Variants in KIAA1217 observed in about 807,000 individuals in gnomAD.
KIAA1217 encodes the protein KIAA1217, also known as sickle tail protein homolog.
KIAA1217 carries 88 observed loss-of-function variants against 163.9 expected under a neutral mutation model. That is an observed-to-expected ratio of 0.54 (90% CI 0.45 to 0.64). The LOEUF (loss-of-function observed/expected upper bound fraction) is 0.64, where lower values mean the gene tolerates loss of function less well. Ranked by LOEUF, KIAA1217 falls within the 30% of genes least tolerant of loss-of-function variation. KIAA1217 has a pLI of 0.00. For synonymous variants in KIAA1217, 903 were observed against 923.1 expected, an observed-to-expected ratio of 0.98 and a Z score of 0.39; for missense variants, 2,372 against 2,475.0, an observed-to-expected ratio of 0.96 and a Z score of 0.88.
intron 5 of KIAA1217, among the ~76,000 whole-genome samples, chr10:24,447,682 A>C (rs2061054948): frequency 6.6e-6 from 1 of 152,190 alleles, no homozygotes; most frequent in Non-Finnish European, 1.5e-5. Flanking sequence ...TCAGTTAATT[A>C]GTGCCTTATC....
chr10:23,729,485 A>T (rs1838354796), intron 1 of KIAA1217, among the ~76,000 whole-genome samples: 1 of 152,062 alleles, frequency 6.6e-6, no homozygotes, highest in Non-Finnish European at 1.5e-5. Context: ...CTATATTTTG[A>T]CTATTTTAAT....
chr10:24,142,464 A>T (rs1270808305), intron 2 of KIAA1217, among the ~76,000 whole-genome samples: 1 of 152,192 alleles, frequency 6.6e-6, no homozygotes, highest in Non-Finnish European at 1.5e-5. Flanking sequence ...TGAGAAGAGA[A>T]TAGCTGGAGA....
chr10:24,139,210 C>T (rs1182107351), intron 2 of KIAA1217, among the ~76,000 whole-genome samples: 1 of 151,950 alleles, frequency 6.6e-6, no homozygotes, highest in African/African-American at 2.4e-5. Context: ...TTCTACTTCC[C>T]TAGTTTATTG....
chr10:24,435,403 C>T (rs1173573268), intron 4 of KIAA1217, among the ~76,000 whole-genome samples: 1 of 152,150 alleles, frequency 6.6e-6, no homozygotes, highest in African/African-American at 2.4e-5. Flanking sequence ...AATATAATCC[C>T]ACATACTGTT....
intron 1 of KIAA1217, among the ~76,000 whole-genome samples, chr10:23,926,448 G>A (rs1323308746): frequency 1.3e-5 from 2 of 152,272 alleles, no homozygotes; most frequent in African/African-American, 2.4e-5. Context: ...AGGTAGGCCC[G>A]GAGCAGTGGC....
At chr10:23,764,658 G>A (rs1384392332) in intron 1 of KIAA1217, among the ~76,000 whole-genome samples, 2 of 152,154 alleles carry the variant, frequency 1.3e-5, no homozygotes, top group Non-Finnish European at 2.9e-5. Flanking sequence ...CATGGATGAA[G>A]CTGGAAGCCA....
intron 1 of KIAA1217, among the ~76,000 whole-genome samples, chr10:23,811,072 T>C (rs950146741): frequency 1.6e-5 from 2 of 126,476 alleles, no homozygotes; most frequent in African/African-American, 6.2e-5. Flanking sequence ...TCTCTATATA[T>C]AATACATAGT....
intron 2 of KIAA1217, among the ~76,000 whole-genome samples, chr10:24,134,064 G>A (rs1462632776): frequency 2.6e-5 from 4 of 152,178 alleles, no homozygotes; most frequent in African/African-American, 7.2e-5. Context: ...TGCTCCAGGA[G>A]AAGTACAAAT....
chr10:23,906,123 A>C (rs375662460), intron 1 of KIAA1217, among the ~76,000 whole-genome samples: 2 of 152,106 alleles, frequency 1.3e-5, no homozygotes, highest in South Asian at 4.1e-4. Context: ...AATCATATCC[A>C]TGAGGGCAGA....
chr10:24,536,625 G>T, intron 16 of KIAA1217, 149 bp from the exon 17 acceptor site: 1 of 672,722 alleles, frequency 1.5e-6, no homozygotes. Flanking sequence ...CACGTGAGGA[G>T]CAGGATTTCA....
intron 1 of KIAA1217, among the ~76,000 whole-genome samples, chr10:23,817,996 T>TACATAC (rs1285638376): frequency 3.8e-5 from 4 of 106,116 alleles, no homozygotes; most frequent in African/African-American, 1.6e-4. Context: ...TATATATATA[T>TACATAC]ATATATATAT....
chr10:23,880,891 G>A (rs1433517563), intron 1 of KIAA1217, among the ~76,000 whole-genome samples: 5 of 151,932 alleles, frequency 3.3e-5, no homozygotes, highest in East Asian at 1.9e-4. Flanking sequence ...AGCCACATTC[G>A]GCTGCTTGCC....
intron 1 of KIAA1217, among the ~76,000 whole-genome samples, chr10:23,981,705 T>C (rs1354408693): frequency 1.3e-5 from 2 of 151,598 alleles, no homozygotes; most frequent in South Asian, 2.1e-4. Flanking sequence ...AGACCAGCCC[T>C]GTTTGTGGAC....
intron 2 of KIAA1217, among the ~76,000 whole-genome samples, chr10:24,250,969 G>A (rs570164516): frequency 6.6e-6 from 1 of 151,912 alleles, no homozygotes; most frequent in South Asian, 2.1e-4. Context: ...GCTCACACCT[G>A]TAATCACAGC....
At chr10:24,139,610 G>A (rs2063970930) in intron 2 of KIAA1217, among the ~76,000 whole-genome samples, 1 of 152,046 alleles carries the variant, frequency 6.6e-6, no homozygotes, top group South Asian at 2.1e-4. Flanking sequence ...GGCCTTCCAC[G>A]AATTTACTAT....
intron 1 of KIAA1217, among the ~76,000 whole-genome samples, chr10:23,968,485 T>G (rs1257210490): frequency 6.6e-6 from 1 of 152,210 alleles, no homozygotes; most frequent in Non-Finnish European, 1.5e-5. Flanking sequence ...TATTGAGTCA[T>G]AATTCACACA....
chr10:24,544,389 G>A lies in KIAA1217; in HGVS notation c.5119G>A (p.Ala1707Thr), dbSNP rs774624308. ...RDSVASSSHI[A>T]QEASPRPLLV... ...TTCTGTTGCAAGTTCATCCCACATA[G>A]CCCAAGAGGCCTCTCCCCGACCCTT... is the stretch of plus-strand genomic sequence containing the variant. The change falls in exon 19 of 21, where the codon GCC becomes ACC. Residue 1707 changes from alanine (A) to threonine (T), a missense_variant. Around this residue, in one of 3 missense-constraint regions of KIAA1217, gnomAD observed 690 missense variants for 677.5 expected, o/e 1.02. Transcript: ENST00000376454. 6.2e-7 allele frequency: 1 copy of A among 1,614,000 alleles called. No homozygotes were observed. Among genetic ancestry groups the A allele is most frequent in the Non-Finnish European group, 8.5e-7 (1 of 1,179,998 alleles).
intron 1 of KIAA1217, among the ~76,000 whole-genome samples, chr10:23,750,716 T>C (rs766102201): frequency 6.6e-6 from 1 of 152,128 alleles, no homozygotes; most frequent in Non-Finnish European, 1.5e-5. Flanking sequence ...GAATGACTAA[T>C]TGAAGAGCTT....
intron 1 of KIAA1217, among the ~76,000 whole-genome samples, chr10:23,975,393 G>C (rs1487523472): frequency 7.9e-5 from 12 of 152,206 alleles, no homozygotes; most frequent in Admixed American, 6.5e-4. Context: ...TCAACCTGCT[G>C]TCCCAGCAGG....
Sources: gnomAD v4.1 joint callset for allele counts (sites outside exome capture counted in the v4.1 genomes callset) on GRCh38, gnomAD v4.1.1 for gene constraint, gnomAD v4.1.1 regional missense constraint, MANE v1.5 for transcripts, NCBI Gene and HGNC (gene_info 2026-07-23, HGNC 2026-07-21) for gene names.